Variants in RERE observed in about 807,000 individuals in gnomAD.
The protein encoded by RERE is arginine-glutamic acid dipeptide repeats.
A neutral mutation model predicts 146.1 loss-of-function variants in RERE; 40 were observed. That is an observed-to-expected ratio of 0.27 (90% CI 0.21 to 0.36). The LOEUF (loss-of-function observed/expected upper bound fraction) is 0.36. Among genes scored for constraint, RERE ranks in the 10% least tolerant of loss-of-function variants. The probability of loss-of-function intolerance (pLI) is 1.00; values close to 1 mark genes in which losing one functional copy is unlikely to be tolerated. For missense variants in RERE, 1,933 were observed against 2,138.7 expected (o/e 0.90, Z 1.90); for synonymous variants, 1,003 against 866.0 (o/e 1.16, Z -2.78).
At chr1:8,651,989 T>TA (rs1313053339) in intron 2 of RERE, among the ~76,000 whole-genome samples, 1 of 152,130 alleles carries the variant, frequency 6.6e-6, no homozygotes, top group Non-Finnish European at 1.5e-5. Flanking sequence ...CCCAGCACCC[T>TA]ACTTCTGATT....
chr1:8,596,198 G>A (rs1342313852), intron 4 of RERE, among the ~76,000 whole-genome samples: 5 of 152,326 alleles, frequency 3.3e-5, no homozygotes, highest in East Asian at 1.9e-4. Flanking sequence ...TGCTGTCCCT[G>A]AGTACAAAAA....
chr1:8,530,368 C>G (rs11121198), intron 7 of RERE, among the ~76,000 whole-genome samples: 124,528 of 152,204 alleles, frequency 0.82, 51,171 homozygotes, highest in East Asian at 0.95. Flanking sequence ...GATTATGTAC[C>G]TCTATCAAAG....
At chr1:8,475,202 T>C (rs921687705) in intron 10 of RERE, among the ~76,000 whole-genome samples, 69 of 151,932 alleles carry the variant, frequency 4.5e-4, no homozygotes, top group South Asian at 1.3e-3. Context: ...GGTGAAACCC[T>C]GTCTCTACCA....
At chr1:8,768,409 T>C (rs1212665051) in intron 1 of RERE, among the ~76,000 whole-genome samples, 3 of 152,176 alleles carry the variant, frequency 2.0e-5, no homozygotes, top group African/African-American at 7.2e-5. Flanking sequence ...ATGTCCTTTT[T>C]CTCTAATCCT....
At chr1:8,503,094 AT>A (rs201664772) in intron 8 of RERE, among the ~76,000 whole-genome samples, 2,097 of 142,970 alleles carry the variant, frequency 0.015, 48 homozygotes, top group African/African-American at 0.052. Context: ...TTAAAAATAA[AT>A]AAATAAATAA....
chr1:8,421,887 C>A (rs1406156458), intron 12 of RERE, among the ~76,000 whole-genome samples: 1 of 152,202 alleles, frequency 6.6e-6, no homozygotes, highest in Non-Finnish European at 1.5e-5. Context: ...GTCCTCCCTT[C>A]GCCTTCAGAC....
At chr1:8,779,680 G>A (rs1193493098) in intron 1 of RERE, among the ~76,000 whole-genome samples, 3 of 151,670 alleles carry the variant, frequency 2.0e-5, no homozygotes, top group Non-Finnish European at 4.4e-5. Flanking sequence ...AAGAAAGAAT[G>A]TAAGCTCCAT....
At chr1:8,806,288 T>C (rs1439197137) in intron 1 of RERE, among the ~76,000 whole-genome samples, 1 of 152,094 alleles carries the variant, frequency 6.6e-6, no homozygotes, top group Non-Finnish European at 1.5e-5. Flanking sequence ...CCCCAGCACT[T>C]TGGGAGGCAG....
intron 19 of RERE, among the ~76,000 whole-genome samples, chr1:8,359,422 G>A (rs778846830): frequency 1.4e-4 from 22 of 152,230 alleles, no homozygotes; most frequent in Non-Finnish European, 2.8e-4. Context: ...CTTCTCTCAA[G>A]GCGCCCCCTT....
intron 7 of RERE, among the ~76,000 whole-genome samples, chr1:8,511,111 C>A (rs966401966): frequency 2.0e-5 from 3 of 152,030 alleles, no homozygotes; most frequent in Admixed American, 1.3e-4. Flanking sequence ...CTTAAAAAAA[C>A]CCAATGTACC....
rs920248526 is a variant in RERE at position 8,737,875 on chromosome 1, A to G, written c.-145+79285T>C. 2.6e-5 allele frequency among the ~76,000 whole-genome samples: 4 copies of G among 152,394 alleles called. No homozygotes were observed. In the South Asian group the frequency reaches 8.3e-4, roughly 32 times the overall value. The stretch of plus-strand genomic sequence containing the variant: ...ATGAAAGCTTAAGCAAAATGTTAGC[A>G]TAAATCAAAGTTTTAAATCATTTTA... On this transcript the variant is annotated intron_variant, in intron 1 of 22. Coordinates refer to ENST00000400908, the MANE Select transcript of RERE (RefSeq NM_001042681.2).
intron 7 of RERE, 36 bp from the exon 8 acceptor site, chr1:8,508,711 T>C (rs372352312): frequency 3.2e-6 from 5 of 1,544,300 alleles, no homozygotes; most frequent in Non-Finnish European, 4.4e-6. Context: ...GTTAGCGCAA[T>C]ACAGTTTTGA....
intron 4 of RERE, among the ~76,000 whole-genome samples, chr1:8,601,662 A>ACACACACC (rs1646629102): frequency 6.8e-6 from 1 of 146,780 alleles, no homozygotes; most frequent in Non-Finnish European, 1.5e-5. Context: ...ACACACACAC[A>ACACACACC]CACACACACA....
chr1:8,703,128 C>T (rs1482744868), intron 1 of RERE: 1 of 152,190 alleles, frequency 6.6e-6, no homozygotes, highest in Non-Finnish European at 1.5e-5. Context: ...CCCGCCAACT[C>T]CGGACCCGCG....
At chr1:8,605,914 A>G (rs996924681) in intron 4 of RERE, among the ~76,000 whole-genome samples, 6 of 135,664 alleles carry the variant, frequency 4.4e-5, no homozygotes, top group African/African-American at 1.7e-4. Context: ...GCATGATTAT[A>G]GCACACTGCA....
chr1:8,557,594 C>T (rs948967165), intron 4 of RERE, 71 bp from the exon 5 acceptor site: 12 of 941,060 alleles, frequency 1.3e-5, no homozygotes, highest in East Asian at 9.7e-5. Flanking sequence ...ATACCCATGA[C>T]CAAAAGCCCC....
intron 1 of RERE, among the ~76,000 whole-genome samples, chr1:8,707,584 T>C (rs1048894891): frequency 2.0e-5 from 3 of 152,176 alleles, no homozygotes; most frequent in African/African-American, 7.2e-5. Flanking sequence ...ATAACACTAA[T>C]AAGTGTCAAA....
intron 4 of RERE, among the ~76,000 whole-genome samples, chr1:8,585,839 C>A (rs1056073051): frequency 2.0e-5 from 3 of 152,124 alleles, no homozygotes; most frequent in Non-Finnish European, 1.5e-5. Flanking sequence ...GACAACACTA[C>A]CATATAAAAT....
chr1:8,481,148 C>T (rs1328007802), intron 10 of RERE, among the ~76,000 whole-genome samples: 1 of 152,102 alleles, frequency 6.6e-6, no homozygotes, highest in Non-Finnish European at 1.5e-5. Context: ...GACGGGGTCT[C>T]GCTCTGTCAC....
Sources: gnomAD v4.1 joint callset for allele counts (sites outside exome capture counted in the v4.1 genomes callset) on GRCh38, gnomAD v4.1.1 for gene constraint, MANE v1.5 for transcripts, NCBI Gene and HGNC (gene_info 2026-07-23, HGNC 2026-07-21) for gene names.